Variants in DYM observed in about 807,000 individuals in gnomAD.
DYM encodes the protein dymeclin, also known as dyggve-Melchior-Clausen syndrome protein.
In DYM, 78 loss-of-function variants were observed where a neutral mutation model predicts 93.1. The ratio of observed to expected loss-of-function variants is 0.84; its 90% CI spans 0.70 to 1.01. DYM has a LOEUF of 1.01. Ranked by LOEUF, DYM falls within the 50% of genes least tolerant of loss-of-function variation. The probability of loss-of-function intolerance (pLI) is 0.00; values close to 1 mark genes in which losing one functional copy is unlikely to be tolerated. For missense variants in DYM, 789 were observed against 845.0 expected, an observed-to-expected ratio of 0.93 and a Z score of 0.82; for synonymous variants, 321 against 319.7, an observed-to-expected ratio of 1.00 and a Z score of -0.04.
intron 13 of DYM, among the ~76,000 whole-genome samples, chr18:49,241,982 CACT>C (rs1367653327): frequency 6.6e-6 from 1 of 152,224 alleles, no homozygotes; most frequent in East Asian, 1.9e-4. Context: ...ATTTTCCCAG[CACT>C]ACAACATGCA....
At chr18:49,208,800 T>A (rs893293358) in intron 14 of DYM, 1 of 151,952 alleles carries the variant, frequency 6.6e-6, no homozygotes, top group African/African-American at 2.4e-5. Context: ...CTGGTATAAG[T>A]CATCTCTTAC....
intron 13 of DYM, among the ~76,000 whole-genome samples, chr18:49,218,664 A>C (rs2093199241): frequency 6.6e-6 from 1 of 152,168 alleles, no homozygotes; most frequent in Admixed American, 6.5e-5. Flanking sequence ...TACTGGGTAT[A>C]TAATGAAATG....
At chr18:49,202,690 G>A (rs1371210256) in intron 14 of DYM, among the ~76,000 whole-genome samples, 1 of 96,418 alleles carries the variant, frequency 1.0e-5, no homozygotes, top group East Asian at 3.5e-4. Context: ...CCGAGACCCC[G>A]TCTGGGAGGT....
intron 14 of DYM, among the ~76,000 whole-genome samples, chr18:49,207,766 A>G (rs759479455): frequency 1.3e-4 from 20 of 152,232 alleles, no homozygotes; most frequent in Non-Finnish European, 2.6e-4. Context: ...TACAGATTTC[A>G]GACTTGCAAG....
intron 2 of DYM, among the ~76,000 whole-genome samples, chr18:49,415,409 T>C (rs1033666834): frequency 6.6e-5 from 10 of 150,486 alleles, no homozygotes; most frequent in Non-Finnish European, 1.3e-4. Context: ...AAGTTACTCT[T>C]GGTTGTTATT....
At chr18:49,051,861 G>A (rs574520274) in intron 17 of DYM, among the ~76,000 whole-genome samples, 2 of 152,208 alleles carry the variant, frequency 1.3e-5, no homozygotes, top group African/African-American at 4.8e-5. Context: ...GTCATGGGGG[G>A]ACTGAAAGAG....
chr18:49,391,579 T>C lies in DYM; in HGVS notation c.193+14A>G. ...ATTTGAAAACAACACCCCACACACA[T>C]TTTTCCCACTTACCTAATGACCTGC... On this transcript the variant is annotated intron_variant, in intron 3 of 17. Transcript: ENST00000675505. 4 of 1,611,820 alleles carry C rather than the reference T, an allele frequency of 2.5e-6. No homozygotes were observed. Among genetic ancestry groups the C allele is most frequent in the Non-Finnish European group, 3.4e-6 (4 of 1,178,270 alleles).
intron 2 of DYM, among the ~76,000 whole-genome samples, chr18:49,418,484 A>AT (rs1199043029): frequency 2.6e-5 from 4 of 152,210 alleles, no homozygotes; most frequent in Non-Finnish European, 4.4e-5. Flanking sequence ...TTTAAGAAAG[A>AT]TTTTAGAACC....
At chr18:49,052,273 A>T (rs2075092342) in intron 17 of DYM, among the ~76,000 whole-genome samples, 1 of 152,196 alleles carries the variant, frequency 6.6e-6, no homozygotes, top group Non-Finnish European at 1.5e-5. Context: ...AGCTGAATTT[A>T]ATTTGACCCC....
intron 13 of DYM, among the ~76,000 whole-genome samples, chr18:49,211,010 A>C (rs535296143): frequency 6.6e-6 from 1 of 152,350 alleles, no homozygotes; most frequent in Non-Finnish European, 1.5e-5. Context: ...GTAGGCAATA[A>C]TACTACTACA....
intron 8 of DYM, among the ~76,000 whole-genome samples, chr18:49,317,349 G>A (rs1381062315): frequency 6.6e-6 from 1 of 152,192 alleles, no homozygotes; most frequent in Non-Finnish European, 1.5e-5. Context: ...AGCAGTGAAT[G>A]TGGTGAGACA....
chr18:49,054,786 A>G (rs913134189), intron 17 of DYM, among the ~76,000 whole-genome samples: 2 of 152,204 alleles, frequency 1.3e-5, no homozygotes, highest in Non-Finnish European at 2.9e-5. Flanking sequence ...TCCTGAGCTC[A>G]GGAAATGGTT....
chr18:49,387,926 T>C (rs1054149534), intron 3 of DYM, among the ~76,000 whole-genome samples: 3 of 152,200 alleles, frequency 2.0e-5, no homozygotes, highest in African/African-American at 7.2e-5. Context: ...CTGAAGAGTA[T>C]ACAAGAATGC....
intron 13 of DYM, among the ~76,000 whole-genome samples, chr18:49,242,730 A>C (rs1454932415): frequency 1.3e-5 from 2 of 152,168 alleles, no homozygotes; most frequent in Non-Finnish European, 2.9e-5. Flanking sequence ...GACGGAGTCT[A>C]GCTCAGTTGC....
chr18:49,129,210 G>A (rs894784998), intron 15 of DYM, among the ~76,000 whole-genome samples: 5 of 152,048 alleles, frequency 3.3e-5, no homozygotes, highest in Admixed American at 6.5e-5. Flanking sequence ...CATGGACAGG[G>A]CACGTCACTT....
chr18:49,292,588 G>T (rs1390334368), intron 8 of DYM, among the ~76,000 whole-genome samples: 3 of 77,728 alleles, frequency 3.9e-5, no homozygotes, highest in South Asian at 6.1e-4. Flanking sequence ...GCATTTTCCT[G>T]TTGGAAAAAA....
At chr18:49,254,696 T>G (rs2094357442) in intron 13 of DYM, among the ~76,000 whole-genome samples, 1 of 152,242 alleles carries the variant, frequency 6.6e-6, no homozygotes, top group Admixed American at 6.5e-5. Context: ...TATCAGAACT[T>G]AAATTATCAA....
intron 16 of DYM, among the ~76,000 whole-genome samples, chr18:49,100,150 A>G (rs1465046960): frequency 6.6e-6 from 1 of 152,196 alleles, no homozygotes; most frequent in Non-Finnish European, 1.5e-5. Flanking sequence ...GTAAAGGCCA[A>G]TACTATTAGT....
chr18:49,064,515 G>A (rs1184802579), intron 17 of DYM, among the ~76,000 whole-genome samples: 2 of 152,108 alleles, frequency 1.3e-5, no homozygotes, highest in South Asian at 2.1e-4. Context: ...TAAAGAAACT[G>A]TTAACAGTAA....
Sources: gnomAD v4.1 joint callset for allele counts (sites outside exome capture counted in the v4.1 genomes callset) on GRCh38, gnomAD v4.1.1 for gene constraint, MANE v1.5 for transcripts, NCBI Gene and HGNC (gene_info 2026-07-23, HGNC 2026-07-21) for gene names.